The following EDRF1 variants were observed in gnomAD, a reference collection of about 807,000 sequenced individuals.
The protein encoded by EDRF1 is erythroid differentiation regulatory factor 1.
EDRF1 carries 69 observed loss-of-function variants against 148.7 expected under a neutral mutation model. The ratio of observed to expected loss-of-function variants is 0.46; its 90% CI spans 0.38 to 0.57. The LOEUF (loss-of-function observed/expected upper bound fraction) is 0.57, where lower values mean the gene tolerates loss of function less well. EDRF1 is among the 20% of genes least tolerant of loss of function. The probability of loss-of-function intolerance (pLI) is 0.00; values close to 1 mark genes in which losing one functional copy is unlikely to be tolerated. For missense variants in EDRF1, 1,118 were observed against 1,478.7 expected, an observed-to-expected ratio of 0.76 and a Z score of 4.00; for synonymous variants, 515 against 532.8, an observed-to-expected ratio of 0.97 and a Z score of 0.46.
intron 2 of EDRF1, 99 bp downstream of exon 2, chr10:125,721,511 A>G: frequency 9.0e-7 from 1 of 1,116,446 alleles, no homozygotes. Context: ...TAACTTGTCG[A>G]GATTTCTCTT....
chr10:125,735,794 T>A lies in EDRF1; in HGVS notation c.1648T>A (p.Ser550Thr), dbSNP rs189112865. 3.7e-5 allele frequency: 60 copies of A among 1,613,888 alleles called. 1 individual carries two copies. In the East Asian group the frequency reaches 1.3e-3, roughly 35 times the overall value. The part of the protein sequence containing the change: ...EEMPDSDENG[S>T]YSTSSDPSDD... ...GATGCCCGACAGTGATGAAAATGGA[T>A]CCTATAGCACCAGCTCTGATCCATC... The change falls in exon 13 of 25, where the codon TCC (serine) becomes ACC (threonine). Residue 550 changes from serine to threonine, a missense_variant. Coordinates refer to ENST00000356792, the MANE Select transcript of EDRF1 (RefSeq NM_001202438.2).
intron 7 of EDRF1, 42 bp downstream of exon 7, chr10:125,729,146 T>C (rs1409291892): frequency 6.6e-7 from 1 of 1,525,748 alleles, no homozygotes; most frequent in South Asian, 1.2e-5. Flanking sequence ...AAATCCCCAG[T>C]CTACTTTGTC....
chr10:125,758,589 C>T (rs538917366), intron 24 of EDRF1, among the ~76,000 whole-genome samples: 2 of 152,288 alleles, frequency 1.3e-5, no homozygotes, highest in Non-Finnish European at 2.9e-5. Context: ...CCATGTACCA[C>T]AGGCTTCAAG....
intron 19 of EDRF1, 115 bp downstream of exon 19, chr10:125,746,045 T>C (rs1849338115): frequency 2.2e-6 from 2 of 904,556 alleles, no homozygotes; most frequent in South Asian, 2.8e-5. Context: ...CTGCTAATGA[T>C]ACAACACCAG....
chr10:125,754,583 G>A (rs1849803771), intron 24 of EDRF1, among the ~76,000 whole-genome samples: 1 of 152,208 alleles, frequency 6.6e-6, no homozygotes, highest in African/African-American at 2.4e-5. Flanking sequence ...GGAGAGAAGA[G>A]CGCACACCTC....
At chr10:125,729,225 G>A in intron 7 of EDRF1, 121 bp downstream of exon 7, 2 of 1,449,716 alleles carry the variant, frequency 1.4e-6, no homozygotes, top group African/African-American at 1.4e-5. Context: ...TGCTTTCTAA[G>A]CATCTTTGTG....
At position 125,735,817 on chromosome 10, in the gene EDRF1, A is replaced by G. The variant is rs1362977666; in HGVS notation, c.1671A>G (p.Pro557=). The change falls in exon 13 of 25, where the codon CCA becomes CCG. Residue 557 remains proline (P), a synonymous_variant. Coordinates refer to ENST00000356792, the MANE Select transcript of EDRF1 (RefSeq NM_001202438.2). ...ENGSYSTSSD[P]SDDSKAVAII... ...GATCCTATAGCACCAGCTCTGATCC[A>G]TCAGATGATAGCAAAGCAGTAGCTA... The G allele has an allele frequency of 6.2e-7, 1 of 1,613,780 alleles. No individual in the cohort carries two copies. The highest frequency in any genetic ancestry group is 8.5e-7 in the Non-Finnish European group (1 of 1,179,722).
chr10:125,733,163 A>C (rs925218736), intron 9 of EDRF1, among the ~76,000 whole-genome samples: 2 of 152,198 alleles, frequency 1.3e-5, no homozygotes, highest in African/African-American at 2.4e-5. Context: ...TGAGGTTCTA[A>C]ATCTGGTAGT....
intron 24 of EDRF1, among the ~76,000 whole-genome samples, chr10:125,760,897 T>G (rs935609600): frequency 6.6e-6 from 1 of 152,254 alleles, no homozygotes; most frequent in Non-Finnish European, 1.5e-5. Context: ...TTGTATTAGG[T>G]ATTATAAGTC....
chr10:125,747,798 G>A (rs1849437123), intron 20 of EDRF1, 65 bp from the exon 21 acceptor site: 2 of 1,610,218 alleles, frequency 1.2e-6, no homozygotes, highest in African/African-American at 1.3e-5. Context: ...GTATTTAAAC[G>A]TTTTAAAAAC....
At chr10:125,737,666 A>G (rs1445254776) in intron 13 of EDRF1, among the ~76,000 whole-genome samples, 1 of 152,212 alleles carries the variant, frequency 6.6e-6, no homozygotes, top group East Asian at 1.9e-4. Flanking sequence ...TATCGGTGCT[A>G]ATTATGAGTG....
In EDRF1 at chr10:125,737,961, G is replaced by C; in HGVS notation, c.1802G>C (p.Cys601Ser). ...FPVCHDTEER[C>S]RLVLSYVLEG... ...GTTTGCCATGACACAGAAGAGCGCT[G>C]TAGACTTGTGCTTAGCTATGTTCTA... Residue 601 changes from cysteine to serine, a missense_variant, in exon 14 of 25, where the codon TGT becomes TCT. Physicochemically the swap from Cys to Ser is moderately radical, Grantham distance 112 (BLOSUM62 -1). This residue lies in a region of EDRF1 where 954 missense variants were observed against 1,241.4 expected (regional missense o/e 0.77). Transcript: ENST00000356792. 6.2e-7 allele frequency: 1 copy of C among 1,613,984 alleles called. No homozygotes were observed. The highest frequency in any genetic ancestry group is 8.5e-7 in the Non-Finnish European group (1 of 1,179,936).
At position 125,729,125 on chromosome 10, in the gene EDRF1, A is replaced by G. The variant is rs765958623; in HGVS notation, c.894+21A>G. ...GTCAGGTATGCTTTCCATGGTGTCCAAGGTGACAGCAAATCCCCAGTCTAC... is the reference window on the plus strand; with the variant it reads ...GTCAGGTATGCTTTCCATGGTGTCCGAGGTGACAGCAAATCCCCAGTCTAC... On this transcript the variant is annotated intron_variant, in intron 7 of 24. Transcript: ENST00000356792. 4 of 1,542,942 alleles carry G rather than the reference A, an allele frequency of 2.6e-6. No homozygotes were observed. In the African/African-American group the frequency reaches 4.1e-5, roughly 16 times the overall value.
chr10:125,744,115 G>A (rs1849193786), intron 18 of EDRF1, among the ~76,000 whole-genome samples: 1 of 152,130 alleles, frequency 6.6e-6, no homozygotes. Flanking sequence ...AGATAAGAAT[G>A]TAAAGCCTGG....
In EDRF1 at chr10:125,740,651, G is replaced by A; in HGVS notation, c.2170G>A (p.Asp724Asn). The change falls in exon 16 of 25, where the codon GAT (aspartate) becomes AAT (asparagine). Residue 724 changes from aspartate (D) to asparagine (N), a missense_variant and splice_region_variant. Physicochemically the swap from Asp to Asn is conservative, Grantham distance 23. This residue lies in a region of EDRF1 where 954 missense variants were observed against 1,241.4 expected (regional missense o/e 0.77). Coordinates refer to ENST00000356792, the MANE Select transcript of EDRF1 (RefSeq NM_001202438.2). Reference protein sequence around the residue: ...RYIKLALQSHDTYCCLCTNML... With the variant: ...RYIKLALQSHNTYCCLCTNML... ...CATTAAATTAGCTTTGCAAAGCCAT[G>A]GTAAGCCACTATAAATGAATATGTT... 1 of 1,612,878 alleles carries A rather than the reference G, an allele frequency of 6.2e-7. No individual in the cohort carries two copies. The highest frequency in any genetic ancestry group is 8.5e-7 in the Non-Finnish European group (1 of 1,179,820).
intron 24 of EDRF1, among the ~76,000 whole-genome samples, chr10:125,756,282 A>G (rs900277688): frequency 3.3e-5 from 5 of 152,284 alleles, no homozygotes; most frequent in African/African-American, 7.2e-5. Flanking sequence ...GTTGAATTCT[A>G]TTATGTGCTG....
intron 24 of EDRF1, chr10:125,756,839 G>A (rs4962313): frequency 4.7e-6 from 2 of 425,936 alleles, no homozygotes; most frequent in Admixed American, 2.7e-5. Flanking sequence ...TTGAGACAAG[G>A]TCTCACTCTG....
chr10:125,745,621 A>T, intron 18 of EDRF1, 86 bp from the exon 19 acceptor site: 5 of 1,410,464 alleles, frequency 3.5e-6, no homozygotes, highest in Non-Finnish European at 5.0e-6. Context: ...TGTCACTGCC[A>T]TCCTCCTCTT....
At chr10:125,756,961 C>A in intron 24 of EDRF1, 1 of 397,556 alleles carries the variant, frequency 2.5e-6, no homozygotes, top group Non-Finnish European at 4.9e-6. Context: ...CACGGGTGTG[C>A]CCCACGACAC....
Sources: allele counts gnomAD v4.1 joint callset (sites outside exome capture counted in the v4.1 genomes callset), GRCh38; gene constraint gnomAD v4.1.1; regional missense constraint gnomAD v4.1.1; transcripts MANE v1.5; gene names NCBI Gene and HGNC (gene_info 2026-07-23, HGNC 2026-07-21).